The following KIF26B variants were observed in gnomAD, a reference collection of about 807,000 sequenced individuals.
The protein encoded by KIF26B is kinesin-like protein KIF26B.
KIF26B carries 63 observed loss-of-function variants against 151.2 expected under a neutral mutation model. The ratio of observed to expected loss-of-function variants is 0.42; its 90% CI spans 0.34 to 0.51. The LOEUF is 0.51. Ranked by LOEUF, KIF26B falls within the 20% of genes least tolerant of loss-of-function variation. KIF26B has a pLI of 0.07. For missense variants in KIF26B, 2,813 were observed against 2,913.6 expected (o/e 0.97, Z 0.79); for synonymous variants, 1,357 against 1,262.1 (o/e 1.08, Z -1.59).
At chr1:245,405,624 GTT>G (rs548316578) in intron 3 of KIF26B, among the ~76,000 whole-genome samples, 1 of 144,800 alleles carries the variant, frequency 6.9e-6, no homozygotes. Context: ...TATTGATGTT[GTT>G]TTTTTTTTTT....
At chr1:245,343,803 G>T (rs1287471348) in intron 2 of KIF26B, among the ~76,000 whole-genome samples, 2 of 152,168 alleles carry the variant, frequency 1.3e-5, no homozygotes, top group Non-Finnish European at 2.9e-5. Context: ...AATTGGCAGA[G>T]GTATGGTTTT....
At chr1:245,339,706 T>C (rs1262443535) in intron 2 of KIF26B, among the ~76,000 whole-genome samples, 2 of 152,200 alleles carry the variant, frequency 1.3e-5, no homozygotes, top group Non-Finnish European at 2.9e-5. Flanking sequence ...GTTTTAAATA[T>C]AAGAAGATTG....
intron 4 of KIF26B, among the ~76,000 whole-genome samples, chr1:245,442,225 T>C (rs944256453): frequency 1.4e-4 from 22 of 152,162 alleles, no homozygotes; most frequent in African/African-American, 5.3e-4. Context: ...CCTGGTAGCC[T>C]TTTTTCTGTT....
chr1:245,264,731 A>G (rs1300265647), intron 2 of KIF26B, among the ~76,000 whole-genome samples: 2 of 150,190 alleles, frequency 1.3e-5, no homozygotes, highest in African/African-American at 4.9e-5. Context: ...CGTTTCTACT[A>G]AAAATACAAA....
rs1272167300 is a variant in KIF26B at position 245,244,259 on chromosome 1, C to G, written c.465+87576C>G. On this transcript the variant is annotated intron_variant, in intron 2 of 14. Transcript: ENST00000407071. The surrounding 1 kb of genome is among the most constrained non-coding windows in gnomAD (Gnocchi z 4.2). Reference sequence around the variant, plus strand: ...GGAGTGAGCCACTGTACCTGGCCTCCTTTTATATTTTTTTCTAAATATCAT... The same window carrying G: ...GGAGTGAGCCACTGTACCTGGCCTCGTTTTATATTTTTTTCTAAATATCAT... 6.6e-6 allele frequency among the ~76,000 whole-genome samples: 1 copy of G among 152,040 alleles called. No homozygotes were observed. Among genetic ancestry groups the G allele is most frequent in the Non-Finnish European group, 1.5e-5 (1 of 68,006 alleles).
At position 245,294,292 on chromosome 1, in the gene KIF26B, C is replaced by G. The variant is rs1671301284; in HGVS notation, c.466-72542C>G. 2.0e-5 allele frequency among the ~76,000 whole-genome samples: 3 copies of G among 152,192 alleles called. No individual in the cohort carries two copies. The South Asian group carries it at 6.2e-4, about 32-fold the overall frequency. On this transcript the variant is annotated intron_variant, in intron 2 of 14. Coordinates refer to ENST00000407071, the MANE Select transcript of KIF26B (RefSeq NM_018012.4). ...AGTCTCCCCCTCTCCCCTCCCCTCC[C>G]TCTCTTATTCTGTTCTCAAGGCAAG...
intron 5 of KIF26B, among the ~76,000 whole-genome samples, chr1:245,587,110 G>A (rs573352909): frequency 5.3e-5 from 8 of 152,182 alleles, no homozygotes; most frequent in South Asian, 2.1e-4. Context: ...CCAAGACACC[G>A]GTCAGCCTGC....
intron 2 of KIF26B, among the ~76,000 whole-genome samples, chr1:245,291,714 G>C (rs1671255259): frequency 1.3e-5 from 2 of 152,242 alleles, no homozygotes; most frequent in Admixed American, 1.3e-4. Flanking sequence ...ACAGGTAACA[G>C]AGGGGACCTG....
chr1:245,232,848 C>T (rs3124447), intron 2 of KIF26B, among the ~76,000 whole-genome samples: 80,366 of 152,108 alleles, frequency 0.53, 23,503 homozygotes, highest in Non-Finnish European at 0.65. Context: ...TCGCACCCGG[C>T]GGTTTCCTTC....
At chr1:245,165,833 GGA>G (rs1377105329) in intron 2 of KIF26B, among the ~76,000 whole-genome samples, 4 of 152,180 alleles carry the variant, frequency 2.6e-5, no homozygotes, top group Non-Finnish European at 5.9e-5. Context: ...GAACTGGCAA[GGA>G]GGAGGTCATT....
intron 2 of KIF26B, among the ~76,000 whole-genome samples, chr1:245,294,505 C>G: frequency 6.6e-6 from 1 of 152,128 alleles, no homozygotes; most frequent in South Asian, 2.1e-4. Context: ...CAAGACTACC[C>G]TTGAACAATG....
At chr1:245,164,952 A>C (rs529014926) in intron 2 of KIF26B, among the ~76,000 whole-genome samples, 1 of 152,232 alleles carries the variant, frequency 6.6e-6, no homozygotes, top group Non-Finnish European at 1.5e-5. Flanking sequence ...CCACACCTGT[A>C]ATCTCAGCTA....
intron 4 of KIF26B, among the ~76,000 whole-genome samples, chr1:245,491,581 C>T (rs539566188): frequency 7.2e-5 from 11 of 152,242 alleles, no homozygotes; most frequent in African/African-American, 1.7e-4. Context: ...GGAGAGAAAA[C>T]GAGGAGCTGT....
intron 3 of KIF26B, chr1:245,370,714 G>A (rs758142705): frequency 1.4e-5 from 6 of 439,932 alleles, no homozygotes; most frequent in East Asian, 7.2e-5. Flanking sequence ...AAGTTTGTGT[G>A]TAAGTCGGAA....
chr1:245,383,146 T>C (rs1323243018), intron 3 of KIF26B, among the ~76,000 whole-genome samples: 1 of 151,968 alleles, frequency 6.6e-6, no homozygotes, highest in Non-Finnish European at 1.5e-5. Flanking sequence ...CTCTGCTTAT[T>C]GCAGCCCGAA....
intron 2 of KIF26B, among the ~76,000 whole-genome samples, chr1:245,340,681 C>T (rs1249601188): frequency 6.6e-6 from 1 of 152,134 alleles, no homozygotes; most frequent in East Asian, 1.9e-4. Context: ...CTGCTTTCAT[C>T]GGGTTTATAT....
chr1:245,219,459 G>A (rs1340048591), intron 2 of KIF26B, among the ~76,000 whole-genome samples: 4 of 152,026 alleles, frequency 2.6e-5, no homozygotes, highest in East Asian at 3.9e-4. Flanking sequence ...GCAGCTAGGC[G>A]CGGTAGCTCA....
chr1:245,617,084 TTTTG>T (rs139746401), intron 9 of KIF26B, among the ~76,000 whole-genome samples: 35,203 of 150,892 alleles, frequency 0.23, 4,590 homozygotes, highest in East Asian at 0.44. Context: ...TAATCTGTTT[TTTTG>T]TTTGTTTGTT....
At chr1:245,491,029 A>G (rs558908571) in intron 4 of KIF26B, among the ~76,000 whole-genome samples, 2 of 152,308 alleles carry the variant, frequency 1.3e-5, no homozygotes, top group East Asian at 3.9e-4. Context: ...GAAAATTTGA[A>G]CACATACCCA....
Sources: allele counts gnomAD v4.1 joint callset (sites outside exome capture counted in the v4.1 genomes callset), GRCh38; gene constraint gnomAD v4.1.1; non-coding constraint Gnocchi (gnomAD v3.1); transcripts MANE v1.5; gene names NCBI Gene and HGNC (gene_info 2026-07-23, HGNC 2026-07-21).